The following TIAM1 variants were observed in gnomAD, a reference collection of about 807,000 sequenced individuals.
The protein encoded by TIAM1 is rho guanine nucleotide exchange factor TIAM1.
In TIAM1, 65 loss-of-function variants were observed where a neutral mutation model predicts 163.5. The observed-to-expected ratio is 0.40, with a 90% CI of 0.33 to 0.49. The LOEUF is 0.49. Ranked by LOEUF, TIAM1 falls within the 20% of genes least tolerant of loss-of-function variation. The pLI, the probability that TIAM1 is intolerant of heterozygous loss-of-function variation, is 0.77. For missense variants in TIAM1, 1,789 were observed against 2,044.7 expected (o/e 0.87, Z 2.41); for synonymous variants, 833 against 810.1 (o/e 1.03, Z -0.48).
At chr21:31,287,939 C>A (rs984478418) in intron 2 of TIAM1, among the ~76,000 whole-genome samples, 2 of 151,846 alleles carry the variant, frequency 1.3e-5, no homozygotes, top group African/African-American at 4.8e-5. Context: ...ACAGTGAGTG[C>A]CTTGGAGTAG....
At chr21:31,273,399 G>T (rs2073151543) in intron 3 of TIAM1, among the ~76,000 whole-genome samples, 1 of 152,158 alleles carries the variant, frequency 6.6e-6, no homozygotes, top group Admixed American at 6.5e-5. Flanking sequence ...CACATGCCTA[G>T]GACTGACCCA....
intron 1 of TIAM1, among the ~76,000 whole-genome samples, chr21:31,547,650 G>T (rs2048540347): frequency 6.6e-6 from 1 of 152,182 alleles, no homozygotes; most frequent in African/African-American, 2.4e-5. Flanking sequence ...CACTGAAATT[G>T]TAACTTCTAA....
intron 1 of TIAM1, among the ~76,000 whole-genome samples, chr21:31,534,172 G>A (rs1397407701): frequency 2.0e-5 from 3 of 152,220 alleles, no homozygotes; most frequent in Non-Finnish European, 4.4e-5. Flanking sequence ...AACCACGCTA[G>A]GCGCTGACAC....
chr21:31,528,815 T>C (rs1042999373), intron 1 of TIAM1, among the ~76,000 whole-genome samples: 2 of 76,752 alleles, frequency 2.6e-5, no homozygotes, highest in Non-Finnish European at 5.1e-5. Context: ...AATAAATAAA[T>C]AAACAAACAA....
At chr21:31,456,544 T>A (rs575215441) in intron 2 of TIAM1, among the ~76,000 whole-genome samples, 1 of 152,382 alleles carries the variant, frequency 6.6e-6, no homozygotes, top group South Asian at 2.1e-4. Context: ...CTCACACTGC[T>A]TCTTTCATTA....
chr21:31,454,533 G>A (rs2045012487), intron 2 of TIAM1, among the ~76,000 whole-genome samples: 1 of 152,128 alleles, frequency 6.6e-6, no homozygotes, highest in Non-Finnish European at 1.5e-5. Flanking sequence ...TGAGTGGGGT[G>A]TCCAACCCAA....
chr21:31,248,464 G>A (rs952692711), intron 5 of TIAM1, among the ~76,000 whole-genome samples: 1 of 152,212 alleles, frequency 6.6e-6, no homozygotes, highest in Non-Finnish European at 1.5e-5. Context: ...TCTCCCTGGT[G>A]AAAGTCTGTT....
chr21:31,216,545 C>G (rs2087223625), intron 9 of TIAM1, among the ~76,000 whole-genome samples: 1 of 152,148 alleles, frequency 6.6e-6, no homozygotes, highest in Non-Finnish European at 1.5e-5. Flanking sequence ...TTTCTCAAAG[C>G]CGAACGACAA....
intron 6 of TIAM1, among the ~76,000 whole-genome samples, chr21:31,228,250 A>G (rs2088169890): frequency 9.8e-5 from 13 of 133,022 alleles, no homozygotes; most frequent in African/African-American, 3.9e-4. Flanking sequence ...AAAAAAAAAA[A>G]AAAAAAAAAG....
intron 20 of TIAM1, among the ~76,000 whole-genome samples, chr21:31,144,565 C>T (rs1203218198): frequency 6.6e-6 from 1 of 152,102 alleles, no homozygotes; most frequent in Non-Finnish European, 1.5e-5. Flanking sequence ...TGGTGGATCA[C>T]ACCTGTAATC....
chr21:31,216,905 C>A (rs2087244139), intron 9 of TIAM1, among the ~76,000 whole-genome samples: 1 of 152,174 alleles, frequency 6.6e-6, no homozygotes, highest in Non-Finnish European at 1.5e-5. Context: ...GTGCCAGAGG[C>A]AGCTTAAAAA....
intron 2 of TIAM1, among the ~76,000 whole-genome samples, chr21:31,356,399 C>T (rs1298221240): frequency 6.6e-6 from 1 of 152,172 alleles, no homozygotes; most frequent in Non-Finnish European, 1.5e-5. Context: ...TTTCAGACCA[C>T]TCAATCTCAT....
intron 27 of TIAM1, among the ~76,000 whole-genome samples, chr21:31,122,953 T>A (rs111692179): frequency 2.3e-4 from 35 of 152,336 alleles, no homozygotes; most frequent in African/African-American, 7.2e-4. Flanking sequence ...ACATGAAGAT[T>A]CTGAGGATAG....
chr21:31,243,386 G>C (rs916274205), intron 6 of TIAM1, among the ~76,000 whole-genome samples: 35 of 151,250 alleles, frequency 2.3e-4, no homozygotes, highest in African/African-American at 2.4e-5. Flanking sequence ...AAAATGAACA[G>C]AGTCTCAGAG....
intron 2 of TIAM1, among the ~76,000 whole-genome samples, chr21:31,326,370 G>A (rs888882173): frequency 2.0e-5 from 3 of 152,130 alleles, no homozygotes; most frequent in African/African-American, 7.2e-5. Flanking sequence ...GGCATTCATG[G>A]AGAATCCCCA....
chr21:31,456,242 C>T (rs983267127), intron 2 of TIAM1, among the ~76,000 whole-genome samples: 3 of 152,206 alleles, frequency 2.0e-5, no homozygotes, highest in Non-Finnish European at 2.9e-5. Flanking sequence ...GGCTGGTCCA[C>T]AGATCATTTC....
intron 7 of TIAM1, among the ~76,000 whole-genome samples, chr21:31,224,404 C>T (rs964579745): frequency 3.3e-5 from 5 of 152,176 alleles, no homozygotes; most frequent in African/African-American, 1.2e-4. Flanking sequence ...ACAACCAGAA[C>T]CCAGGAGTAA....
intron 2 of TIAM1, among the ~76,000 whole-genome samples, chr21:31,394,945 C>T (rs2077037130): frequency 6.6e-6 from 1 of 151,994 alleles, no homozygotes; most frequent in African/African-American, 2.4e-5. Flanking sequence ...TATTATAAAA[C>T]TAGTAAGTGG....
chr21:31,414,388 CA>C (rs2043303882), intron 2 of TIAM1, among the ~76,000 whole-genome samples: 1 of 152,202 alleles, frequency 6.6e-6, no homozygotes, highest in South Asian at 2.1e-4. Context: ...TCGAATCTAA[CA>C]GTGAAGAATC....
Sources: allele counts gnomAD v4.1 joint callset (sites outside exome capture counted in the v4.1 genomes callset), GRCh38; gene constraint gnomAD v4.1.1; transcripts MANE v1.5; gene names NCBI Gene and HGNC (gene_info 2026-07-23, HGNC 2026-07-21).